Variants in EMC1 observed in about 807,000 individuals in gnomAD.
EMC1 encodes ER membrane protein complex subunit 1, also known as KIAA0090.
EMC1 carries 103 observed loss-of-function variants against 128.8 expected under a neutral mutation model. The observed-to-expected ratio is 0.80, with a 90% CI of 0.68 to 0.94. EMC1 has a LOEUF of 0.94. Among genes scored for constraint, EMC1 ranks in the 40% least tolerant of loss-of-function variants. The pLI, the probability that EMC1 is intolerant of heterozygous loss-of-function variation, is 0.00. For missense variants in EMC1, 1,083 were observed against 1,250.6 expected, an observed-to-expected ratio of 0.87 and a Z score of 2.02; for synonymous variants, 442 against 490.4, an observed-to-expected ratio of 0.90 and a Z score of 1.30.
Position 19,216,734 on chromosome 1 carries a change from A to T in EMC1, c.*2569T>A, listed in dbSNP as rs2093399208. 6.6e-6 allele frequency: 1 copy of T among 152,318 alleles called. No individual in the cohort carries two copies. Among genetic ancestry groups the T allele is most frequent in the African/African-American group, 2.4e-5 (1 of 41,474 alleles). The allele number at this position is 152,318 out of a possible 1,614,324, so 9.4% of individuals were successfully genotyped here. A position where few individuals can be genotyped will look rare whatever the true frequency, so the allele number is the denominator to read the frequency against. ...GAGCCAGGGTCTCACTCTGTTGCCCAGGCTGGAATGCAGTAGCATGTTCAT... is the reference window on the plus strand; with the variant it reads ...GAGCCAGGGTCTCACTCTGTTGCCCTGGCTGGAATGCAGTAGCATGTTCAT... On this transcript the variant is annotated 3_prime_UTR_variant, in exon 23 of 23. Coordinates refer to ENST00000477853, the MANE Select transcript of EMC1 (RefSeq NM_015047.3).
In EMC1 at chr1:19,222,719, G is replaced by A. The variant is rs912285049; in HGVS notation, c.2492C>T (p.Pro831Leu). The change falls in exon 20 of 23, where the codon CCC (proline) becomes CTC (leucine). Residue 831 changes from proline to leucine, a missense_variant. Transcript: ENST00000477853. Reference protein sequence around the residue: ...AFSSLDRPQLPQVLQQSYIFP... With the variant: ...AFSSLDRPQLLQVLQQSYIFP... The stretch of plus-strand genomic sequence containing the variant: ...GATATAGGACTGCTGGAGGACCTGG[G>A]GCAGCTGGGGGCGGTCCAGGGAGCT... The A allele has an allele frequency of 9.9e-6, 16 of 1,614,036 alleles. No individual in the cohort carries two copies. Among genetic ancestry groups the A allele is most frequent in the Non-Finnish European group, 1.4e-5 (16 of 1,180,018 alleles).
In EMC1 at chr1:19,232,725, G is replaced by A. The variant is rs768831674; in HGVS notation, c.1681C>T (p.Leu561=). ...SSGTILWKQY[L]PNVKPDSSFK... ...GAGGAGTCTGGCTTGACATTGGGTA[G>A]ATACTGTTTCCACAGGATGGTGCCA... The change falls in exon 15 of 23, where the codon CTA becomes TTA. Residue 561 remains leucine, a synonymous_variant. Transcript: ENST00000477853. 1 of 1,614,148 alleles carries A rather than the reference G, an allele frequency of 6.2e-7. No homozygotes were observed. Among genetic ancestry groups the A allele is most frequent in the South Asian group, 1.1e-5 (1 of 91,086 alleles).
At chr1:19,227,850 A>G (rs554029457) in intron 17 of EMC1, among the ~76,000 whole-genome samples, 3 of 152,232 alleles carry the variant, frequency 2.0e-5, no homozygotes, top group South Asian at 4.1e-4. Context: ...CAAAAAATAA[A>G]CCAGAAAAAC....
chr1:19,230,819 GT>G, intron 17 of EMC1, 24 bp downstream of exon 17: 1 of 1,613,680 alleles, frequency 6.2e-7, no homozygotes, highest in Non-Finnish European at 8.5e-7. Context: ...TCCACAAAGG[GT>G]TGTGCCAGGA....
chr1:19,233,082 G>A lies in EMC1; in HGVS notation c.1486C>T (p.Gln496Ter), dbSNP rs772637593. Residue 496 changes from glutamine (Q) to a stop codon, truncating the protein, a stop_gained, in exon 14 of 23, where the codon CAA (glutamine) becomes TAA (stop). Transcript: ENST00000477853. LOFTEE classifies it high-confidence loss of function. The stretch of plus-strand genomic sequence containing the variant: ...TTCCAGAGGTGGGAAGTCCATGCTT[G>A]CAGCAGGATAAGCTGAGACGAGAGG... ...KRLSSQLILL[Q>*]AWTSHLWKMF... The A allele has an allele frequency of 1.2e-5, 19 of 1,614,204 alleles. No homozygotes were observed. In the South Asian group the frequency reaches 2.1e-4, roughly 18 times the overall value.
chr1:19,227,199 A>G, intron 18 of EMC1, 114 bp downstream of exon 18: 1 of 1,165,298 alleles, frequency 8.6e-7, no homozygotes, highest in Non-Finnish European at 1.2e-6. Context: ...GCTCAAAGGG[A>G]TTAAATGACT....
At chr1:19,250,778 T>A (rs939800250) in intron 1 of EMC1, among the ~76,000 whole-genome samples, 1 of 151,658 alleles carries the variant, frequency 6.6e-6, no homozygotes, top group African/African-American at 2.4e-5. Context: ...AGGCACAGAG[T>A]GGTTAAGTCA....
intron 17 of EMC1, among the ~76,000 whole-genome samples, chr1:19,228,074 G>C (rs558035197): frequency 6.6e-6 from 1 of 151,748 alleles, no homozygotes; most frequent in Admixed American, 6.6e-5. Flanking sequence ...GTGTGGTGGC[G>C]CATGCTTTTA....
chr1:19,241,174 G>A, intron 5 of EMC1, 32 bp from the exon 6 acceptor site: 1 of 1,613,296 alleles, frequency 6.2e-7, no homozygotes, highest in Non-Finnish European at 8.5e-7. Context: ...CGCAGCGTCA[G>A]CTTTCAACCC....
intron 11 of EMC1, 56 bp from the exon 12 acceptor site, chr1:19,237,294 G>T: frequency 8.0e-7 from 1 of 1,244,290 alleles, no homozygotes; most frequent in Non-Finnish European, 1.2e-6. Context: ...GCCTCTGAGA[G>T]CACCAGACCC....
chr1:19,240,916 T>A, intron 6 of EMC1, 100 bp downstream of exon 6: 1 of 1,390,186 alleles, frequency 7.2e-7, no homozygotes, highest in Non-Finnish European at 9.9e-7. Flanking sequence ...AAGTAGCTTT[T>A]GCATCTGCCC....
Position 19,238,224 on chromosome 1 carries a change from T to C in EMC1, c.1090-85A>G. 2.0e-6 allele frequency: 3 copies of C among 1,515,350 alleles called. No homozygotes were observed. In the South Asian group the frequency reaches 3.6e-5, roughly 18 times the overall value. The allele number at this position is 1,515,350 out of a possible 1,614,324, so 93.9% of individuals were successfully genotyped here. A position where few individuals can be genotyped will look rare whatever the true frequency, so the allele number is the denominator to read the frequency against. On this transcript the variant is annotated intron_variant, in intron 10 of 22. Transcript: ENST00000477853. ...AGGAAGTCCAAGGATTGGGGGCAAA[T>C]ACCCTAGAGAAGGAGCCAGGCCAGA...
chr1:19,231,262 T>A lies in EMC1; in HGVS notation c.1943A>T (p.Lys648Met). 1.3e-6 allele frequency: 2 copies of A among 1,596,236 alleles called. No individual in the cohort carries two copies. The highest frequency in any genetic ancestry group is 1.7e-6 in the Non-Finnish European group (2 of 1,175,698). The change falls in exon 16 of 23, where the codon AAG becomes ATG. Residue 648 changes from lysine to methionine, a missense_variant and splice_region_variant. Lys to Met is a moderately conservative substitution (Grantham distance 95). This residue lies in a region of EMC1 where 527 missense variants were observed against 644.1 expected (regional missense o/e 0.82). Coordinates refer to ENST00000477853, the MANE Select transcript of EMC1 (RefSeq NM_015047.3). The part of the protein sequence containing the change: ...KVLLLIDDEY[K>M]VTAFPATRNV... ...CTCCATCCCCTCTGAAGACAGTACCTTGTATTCATCATCTATCAACAGCAA... is the reference window on the plus strand; with the variant it reads ...CTCCATCCCCTCTGAAGACAGTACCATGTATTCATCATCTATCAACAGCAA...
Position 19,232,482 on chromosome 1 carries a change from A to C in EMC1, c.1782+142T>G, listed in dbSNP as rs376039146. The C allele has an allele frequency of 2.6e-5, 25 of 969,398 alleles. No individual in the cohort carries two copies. In the East Asian group the frequency reaches 5.5e-4, roughly 21 times the overall value. The allele number at this position is 969,398 out of a possible 1,614,324, so 60.0% of individuals were successfully genotyped here. ...TGCTGGATGGTTCCTCCACCCATGC[A>C]TGAAACTAGAAGAAACAGAGTTCTA... On this transcript the variant is annotated intron_variant, in intron 15 of 22. Coordinates refer to ENST00000477853, the MANE Select transcript of EMC1 (RefSeq NM_015047.3).
In EMC1 at chr1:19,231,315, T is replaced by C; in HGVS notation, c.1890A>G (p.Pro630=). The change falls in exon 16 of 23, where the codon CCA becomes CCG. Residue 630 remains proline, a synonymous_variant. Transcript: ENST00000477853. ...CCTTGGCGTAGTCTTGATCCATGAC[T>C]GGGAGAAGCAAGGACTGCAAGATGG... ...KRPILQSLLL[P]VMDQDYAKVL... 1 of 1,611,098 alleles carries C rather than the reference T, an allele frequency of 6.2e-7. No homozygotes were observed. Among genetic ancestry groups the C allele is most frequent in the South Asian group, 1.1e-5 (1 of 90,562 alleles).
chr1:19,239,892 G>A lies in EMC1; in HGVS notation c.880C>T (p.His294Tyr), dbSNP rs1184104735. The change falls in exon 8 of 23, where the codon CAC becomes TAC. Residue 294 changes from histidine (H) to tyrosine (Y), a missense_variant. By Grantham distance (83) the His-to-Tyr change is moderately conservative. Around this residue, in one of 3 missense-constraint regions of EMC1, gnomAD observed 544 missense variants for 572.4 expected, o/e 0.95. Transcript: ENST00000477853. Reference protein sequence around the residue: ...VDASRAQFFLHLSPSHYALLQ... With the variant: ...VDASRAQFFLYLSPSHYALLQ... ...AGAGCATAGTGGCTTGGGGACAAGT[G>A]CAGGAAGAACTGGGCCCGGGAAGCG... 3 of 1,614,056 alleles carry A rather than the reference G, an allele frequency of 1.9e-6. No homozygotes were observed. The highest frequency in any genetic ancestry group is 2.7e-5 in the African/African-American group (2 of 74,928).
chr1:19,226,105 A>G (rs1416367404), intron 18 of EMC1, among the ~76,000 whole-genome samples: 1 of 152,142 alleles, frequency 6.6e-6, no homozygotes, highest in African/African-American at 2.4e-5. Context: ...TCTCTATTCT[A>G]TGACACCCCC....
At chr1:19,223,229 CT>C (rs2093445624) in intron 19 of EMC1, among the ~76,000 whole-genome samples, 166 bp downstream of exon 19, 1 of 152,128 alleles carries the variant, frequency 6.6e-6, no homozygotes, top group African/African-American at 2.4e-5. Context: ...AAGATTAAAC[CT>C]AGGCAATCTG....
chr1:19,244,853 G>T (rs762025113), intron 2 of EMC1, 53 bp downstream of exon 2: 2 of 1,604,144 alleles, frequency 1.2e-6, no homozygotes, highest in Admixed American at 1.7e-5. Context: ...GTTGGCAATG[G>T]TAAGTCTTTC....
Sources: allele counts gnomAD v4.1 joint callset (sites outside exome capture counted in the v4.1 genomes callset), GRCh38; gene constraint gnomAD v4.1.1; regional missense constraint gnomAD v4.1.1; transcripts MANE v1.5; gene names NCBI Gene and HGNC (gene_info 2026-07-23, HGNC 2026-07-21).